The following EPHA6 variants were observed in gnomAD, a reference collection of about 807,000 sequenced individuals.
EPHA6 encodes the protein ephrin type-A receptor 6.
EPHA6 carries 50 observed loss-of-function variants against 112.0 expected under a neutral mutation model. That is an observed-to-expected ratio of 0.45 (90% CI 0.36 to 0.56). The LOEUF (loss-of-function observed/expected upper bound fraction) is 0.56. Ranked by LOEUF, EPHA6 falls within the 20% of genes least tolerant of loss-of-function variation. The pLI, the probability that EPHA6 is intolerant of heterozygous loss-of-function variation, is 0.00. For missense variants in EPHA6, 1,280 were observed against 1,417.4 expected, an observed-to-expected ratio of 0.90 and a Z score of 1.56; for synonymous variants, 529 against 490.7, an observed-to-expected ratio of 1.08 and a Z score of -1.03.
chr3:97,539,066 C>CCCTTCCTTCCTTCCTTCCTT (rs747004303), intron 11 of EPHA6, among the ~76,000 whole-genome samples: 5 of 124,010 alleles, frequency 4.0e-5, no homozygotes, highest in Non-Finnish European at 8.3e-5. Context: ...TCTCTTTCTT[C>CCCTTCCTTCCTTCCTTCCTT]CCTTCCTTCC....
At chr3:96,914,201 C>T (rs868573551) in intron 2 of EPHA6, among the ~76,000 whole-genome samples, 32 of 152,114 alleles carry the variant, frequency 2.1e-4, no homozygotes, top group African/African-American at 6.7e-4. Context: ...AATTTGTTAA[C>T]AATGATAAAA....
At chr3:97,669,049 G>A (rs1198772683) in intron 14 of EPHA6, among the ~76,000 whole-genome samples, 1 of 147,830 alleles carries the variant, frequency 6.8e-6, no homozygotes, top group Non-Finnish European at 1.5e-5. Flanking sequence ...CAACTCAGTT[G>A]TATCAGTCCC....
At chr3:97,541,463 A>C (rs1432720305) in intron 11 of EPHA6, among the ~76,000 whole-genome samples, 1 of 152,186 alleles carries the variant, frequency 6.6e-6, no homozygotes, top group Non-Finnish European at 1.5e-5. Flanking sequence ...TAAAACTTAA[A>C]AGACTTTTGC....
At chr3:97,184,616 T>C (rs567742539) in intron 3 of EPHA6, among the ~76,000 whole-genome samples, 92 of 152,224 alleles carry the variant, frequency 6.0e-4, no homozygotes, top group African/African-American at 2.1e-3. Context: ...GAAGAATCAA[T>C]ATCGTGAACA....
At chr3:97,486,950 A>G (rs1478355733) in intron 10 of EPHA6, among the ~76,000 whole-genome samples, 1 of 152,110 alleles carries the variant, frequency 6.6e-6, no homozygotes, top group Non-Finnish European at 1.5e-5. Context: ...TTCCCCAGCT[A>G]TTGATTGTTT....
At chr3:97,017,983 CT>C (rs202135995) in intron 3 of EPHA6, among the ~76,000 whole-genome samples, 7,396 of 143,384 alleles carry the variant, frequency 0.052, 221 homozygotes, top group Middle Eastern at 0.12. Flanking sequence ...GTTTCTTATT[CT>C]TTTTTTTTTT....
intron 14 of EPHA6, among the ~76,000 whole-genome samples, chr3:97,690,717 C>T (rs1318260105): frequency 6.6e-6 from 1 of 152,168 alleles, no homozygotes; most frequent in East Asian, 1.9e-4. Flanking sequence ...ATCCACCCAC[C>T]TCCATTTCCC....
intron 4 of EPHA6, among the ~76,000 whole-genome samples, chr3:97,227,314 G>A (rs568772564): frequency 2.3e-4 from 35 of 151,226 alleles, no homozygotes; most frequent in South Asian, 2.1e-4. Flanking sequence ...TCCACCTCCC[G>A]GATTCAAGCG....
intron 5 of EPHA6, among the ~76,000 whole-genome samples, chr3:97,341,447 C>T (rs2083298927): frequency 6.6e-6 from 1 of 151,876 alleles, no homozygotes; most frequent in African/African-American, 2.4e-5. Context: ...CTCCGCCTCC[C>T]AGGTTCCAGC....
intron 3 of EPHA6, among the ~76,000 whole-genome samples, chr3:97,189,894 G>A (rs775327868): frequency 3.3e-5 from 5 of 151,890 alleles, no homozygotes; most frequent in Admixed American, 6.6e-5. Context: ...CAATTTTTAC[G>A]TGCTATTCCA....
intron 3 of EPHA6, among the ~76,000 whole-genome samples, chr3:96,989,719 G>GGA (rs904274607): frequency 6.6e-6 from 1 of 151,962 alleles, no homozygotes; most frequent in African/African-American, 2.4e-5. Context: ...TGGCAGCAGA[G>GGA]GAGAGAGAGA....
chr3:97,475,390 A>G lies in EPHA6; in HGVS notation c.1933A>G (p.Ile645Val). 6.2e-7 allele frequency: 1 copy of G among 1,612,122 alleles called. No individual in the cohort carries two copies. The highest frequency in any genetic ancestry group is 8.5e-7 in the Non-Finnish European group (1 of 1,178,928). The change falls in exon 8 of 18, where the codon ATA (isoleucine) becomes GTA (valine). Residue 645 changes from isoleucine (I) to valine (V), a missense_variant. Physicochemically the swap from Ile to Val is conservative, Grantham distance 29 (BLOSUM62 3). Transcript: ENST00000389672. ...AGCAGAACAAGGACAGATTCTCGTG[A>G]TAGCCACCGCCGCTGTTGGCGGATT... ...MAAEQGQILV[I>V]ATAAVGGFTL...
intron 3 of EPHA6, among the ~76,000 whole-genome samples, chr3:97,078,709 G>T (rs972477545): frequency 2.0e-5 from 3 of 152,132 alleles, no homozygotes; most frequent in African/African-American, 7.2e-5. Context: ...GGTTGTAGAT[G>T]TGTGGTGTTA....
chr3:97,739,821 T>C (rs908767474), intron 16 of EPHA6, among the ~76,000 whole-genome samples: 1 of 152,170 alleles, frequency 6.6e-6, no homozygotes, highest in Non-Finnish European at 1.5e-5. Flanking sequence ...AGAACCACTG[T>C]ATTAATATAG....
At chr3:97,370,442 C>T (rs2084982822) in intron 5 of EPHA6, among the ~76,000 whole-genome samples, 1 of 152,058 alleles carries the variant, frequency 6.6e-6, no homozygotes, top group African/African-American at 2.4e-5. Context: ...ATAAATAGCA[C>T]TACTATATTA....
intron 14 of EPHA6, among the ~76,000 whole-genome samples, chr3:97,701,693 T>C (rs2033401156): frequency 6.6e-6 from 1 of 151,822 alleles, no homozygotes; most frequent in South Asian, 2.1e-4. Flanking sequence ...CTGACAATGA[T>C]ATACCTACCT....
chr3:97,602,830 A>T (rs951513325), intron 12 of EPHA6, among the ~76,000 whole-genome samples: 4 of 152,082 alleles, frequency 2.6e-5, no homozygotes, highest in African/African-American at 9.7e-5. Flanking sequence ...CTAAAGCAGC[A>T]TATAATTATT....
intron 5 of EPHA6, among the ~76,000 whole-genome samples, chr3:97,366,813 C>T (rs1313112326): frequency 1.3e-5 from 2 of 152,146 alleles, no homozygotes; most frequent in African/African-American, 4.8e-5. Context: ...TGCTACCTCT[C>T]GCCCTTGTTT....
At chr3:97,659,829 C>A (rs528299396) in intron 14 of EPHA6, among the ~76,000 whole-genome samples, 1 of 151,890 alleles carries the variant, frequency 6.6e-6, no homozygotes, top group Non-Finnish European at 1.5e-5. Context: ...ACAGATTATG[C>A]TTTAATATAT....
Sources: gnomAD v4.1 joint callset for allele counts (sites outside exome capture counted in the v4.1 genomes callset) on GRCh38, gnomAD v4.1.1 for gene constraint, MANE v1.5 for transcripts, NCBI Gene and HGNC (gene_info 2026-07-23, HGNC 2026-07-21) for gene names.